Variants in RIMS2 observed in about 807,000 individuals in gnomAD.
RIMS2 encodes regulating synaptic membrane exocytosis protein 2.
In RIMS2, 59 loss-of-function variants were observed where a neutral mutation model predicts 174.4. That is an observed-to-expected ratio of 0.34 (90% CI 0.27 to 0.42). The LOEUF is 0.42. RIMS2 is among the 10% of genes least tolerant of loss of function. The pLI is 1.00. For missense variants in RIMS2, 1,620 were observed against 1,666.3 expected (o/e 0.97, Z 0.48); for synonymous variants, 606 against 572.5 (o/e 1.06, Z -0.84).
At chr8:103,630,467 CAGAT>C (rs1373953988) in intron 1 of RIMS2, among the ~76,000 whole-genome samples, 2 of 148,168 alleles carry the variant, frequency 1.3e-5, no homozygotes, top group Non-Finnish European at 3.0e-5. Context: ...GTTTTAGAAA[CAGAT>C]AGATAGGAAA....
chr8:104,219,047 G>A (rs2099143884), intron 19 of RIMS2, among the ~76,000 whole-genome samples: 1 of 152,136 alleles, frequency 6.6e-6, no homozygotes, highest in Non-Finnish European at 1.5e-5. Flanking sequence ...AAACTCTGGT[G>A]ATTTTTTAAA....
chr8:103,876,978 G>C (rs1276825950), intron 3 of RIMS2, among the ~76,000 whole-genome samples: 1 of 139,378 alleles, frequency 7.2e-6, no homozygotes, highest in Non-Finnish European at 1.6e-5. Flanking sequence ...ATTTGGGCTG[G>C]TTCCATATTT....
rs937940601 is a variant in RIMS2 at position 103,851,776 on chromosome 8, G to A, written c.699-33522G>A. 7.9e-5 allele frequency among the ~76,000 whole-genome samples: 12 copies of A among 151,308 alleles called. 1 individual carries two copies. The highest frequency in any genetic ancestry group is 3.2e-3 in the Middle Eastern group (1 of 316). On this transcript the variant is annotated intron_variant, in intron 3 of 23. Coordinates refer to ENST00000504942, the Ensembl canonical transcript of RIMS2. ...CCAAACAAATTATGTGCACTGATAAGCAAAATGGGACTTTATTCATATTAT... is the reference window on the plus strand; with the variant it reads ...CCAAACAAATTATGTGCACTGATAAACAAAATGGGACTTTATTCATATTAT...
intron 3 of RIMS2, among the ~76,000 whole-genome samples, chr8:103,785,656 G>T (rs1472782900): frequency 1.3e-5 from 2 of 152,058 alleles, no homozygotes; most frequent in African/African-American, 2.4e-5. Context: ...TTGATGTGCT[G>T]CTGGATTCGT....
chr8:104,061,987 A>G (rs968772062), intron 19 of RIMS2, among the ~76,000 whole-genome samples: 5 of 152,204 alleles, frequency 3.3e-5, no homozygotes, highest in African/African-American at 9.6e-5. Flanking sequence ...AAATGTGGTC[A>G]AAAATTTGAT....
At chr8:104,129,997 A>T (rs72685010) in intron 19 of RIMS2, among the ~76,000 whole-genome samples, 6,583 of 152,350 alleles carry the variant, frequency 0.043, 170 homozygotes, top group Middle Eastern at 0.14. Flanking sequence ...TTCTAAATGC[A>T]GCTTGAATAT....
intron 19 of RIMS2, among the ~76,000 whole-genome samples, chr8:104,024,231 T>C (rs2096190926): frequency 6.6e-6 from 1 of 152,238 alleles, no homozygotes; most frequent in Admixed American, 6.5e-5. Flanking sequence ...GGCTGTGTAA[T>C]GCCACGTGGC....
At chr8:103,576,461 A>G (rs1284304719) in intron 1 of RIMS2, among the ~76,000 whole-genome samples, 3 of 152,244 alleles carry the variant, frequency 2.0e-5, no homozygotes, top group African/African-American at 7.2e-5. Flanking sequence ...AGAGGGAACC[A>G]TGGTCTCCTC....
intron 1 of RIMS2, among the ~76,000 whole-genome samples, chr8:103,541,660 C>A (rs2131278021): frequency 6.6e-6 from 1 of 152,284 alleles, no homozygotes; most frequent in Non-Finnish European, 1.5e-5. Flanking sequence ...TCAGAATACT[C>A]TAGTACTGTA....
chr8:103,641,990 T>C (rs1015482533), intron 1 of RIMS2, among the ~76,000 whole-genome samples: 3 of 148,076 alleles, frequency 2.0e-5, no homozygotes, highest in Admixed American at 1.4e-4. Context: ...CTTTTTGTTT[T>C]CATCCATTCT....
intron 3 of RIMS2, among the ~76,000 whole-genome samples, chr8:103,859,143 A>C (rs2099044583): frequency 6.6e-6 from 1 of 152,098 alleles, no homozygotes; most frequent in Admixed American, 6.6e-5. Flanking sequence ...TAAGCATCTC[A>C]TTGAAAAAAG....
intron 2 of RIMS2, among the ~76,000 whole-genome samples, chr8:103,700,260 T>C (rs558346898): frequency 3.3e-5 from 5 of 152,258 alleles, no homozygotes; most frequent in South Asian, 2.1e-4. Flanking sequence ...TTTAGGGACA[T>C]AAACATTAGG....
chr8:103,879,309 A>C (rs2099156556), intron 3 of RIMS2, among the ~76,000 whole-genome samples: 1 of 151,408 alleles, frequency 6.6e-6, no homozygotes, highest in Non-Finnish European at 1.5e-5. Flanking sequence ...GAACTCACTG[A>C]GGGGGTAAAA....
intron 1 of RIMS2, among the ~76,000 whole-genome samples, chr8:103,594,497 G>T (rs1450232748): frequency 6.6e-6 from 1 of 151,668 alleles, no homozygotes; most frequent in African/African-American, 2.4e-5. Flanking sequence ...ATTGGTTGAT[G>T]AAAATGTGAT....
At chr8:103,745,817 G>A (rs1406894486) in intron 2 of RIMS2, among the ~76,000 whole-genome samples, 1 of 152,020 alleles carries the variant, frequency 6.6e-6, no homozygotes, top group Non-Finnish European at 1.5e-5. Context: ...GTTGTTGTTG[G>A]GTTGTAAGAG....
At chr8:103,506,612 G>A (rs1165352762) in intron 1 of RIMS2, among the ~76,000 whole-genome samples, 1 of 152,134 alleles carries the variant, frequency 6.6e-6, no homozygotes, top group African/African-American at 2.4e-5. Context: ...AAGTAGTGGT[G>A]CAATAAATAA....
chr8:103,906,576 T>G (rs1389889687), intron 4 of RIMS2, among the ~76,000 whole-genome samples: 1 of 152,154 alleles, frequency 6.6e-6, no homozygotes, highest in Admixed American at 6.5e-5. Flanking sequence ...CAATCAGATG[T>G]TTTTGCTTTA....
At chr8:104,115,386 G>A (rs571077044) in intron 19 of RIMS2, among the ~76,000 whole-genome samples, 3 of 151,896 alleles carry the variant, frequency 2.0e-5, no homozygotes, top group South Asian at 4.1e-4. Context: ...ATGGTTCAGT[G>A]AGGAGGGAAG....
chr8:103,673,424 G>A (rs1268061303), intron 1 of RIMS2, among the ~76,000 whole-genome samples: 2 of 152,232 alleles, frequency 1.3e-5, no homozygotes, highest in Non-Finnish European at 2.9e-5. Flanking sequence ...CGTGGACACT[G>A]TGCTTTTTCA....
Sources: gnomAD v4.1 joint callset for allele counts (sites outside exome capture counted in the v4.1 genomes callset) on GRCh38, gnomAD v4.1.1 for gene constraint, MANE v1.5 for transcripts, NCBI Gene and HGNC (gene_info 2026-07-23, HGNC 2026-07-21) for gene names.